The following FER1L5 variants were observed in gnomAD, a reference collection of about 807,000 sequenced individuals.
The protein encoded by FER1L5 is fer-1-like protein 5.
In FER1L5, 187 loss-of-function variants were observed where a neutral mutation model predicts 279.9. That is an observed-to-expected ratio of 0.67 (90% CI 0.59 to 0.75). The LOEUF is 0.75. Among genes scored for constraint, FER1L5 ranks in the 30% least tolerant of loss-of-function variants. The pLI, the probability that FER1L5 is intolerant of heterozygous loss-of-function variation, is 0.00. For missense variants in FER1L5, 2,091 were observed against 2,594.4 expected (o/e 0.81, Z 4.21); for synonymous variants, 921 against 989.7 (o/e 0.93, Z 1.30).
In FER1L5 at chr2:96,702,722, C is replaced by T. The variant is rs377428514; in HGVS notation, c.5378C>T (p.Thr1793Met). ...FTMDYLAAER[T>M]CVQSQKDYIW... ...ATGGACTACCTGGCGGCGGAGCGCA[C>T]GTGTGTCCAGAGCCAGAAGGTAACA... Residue 1793 changes from threonine (T) to methionine (M), a missense_variant, in exon 48 of 53, where the codon ACG becomes ATG. By Grantham distance (81) the Thr-to-Met change is moderately conservative (BLOSUM62 -1). Transcript: ENST00000624922. The surrounding 1 kb of genome is among the most constrained non-coding windows in gnomAD (Gnocchi z 4.0). 2.0e-5 allele frequency: 32 copies of T among 1,613,032 alleles called. No individual in the cohort carries two copies. Among genetic ancestry groups the T allele is most frequent in the African/African-American group, 5.3e-5 (4 of 75,014 alleles).
At position 96,684,332 on chromosome 2, in the gene FER1L5, A is replaced by G; in HGVS notation, c.1675A>G (p.Ile559Val). The part of the protein sequence containing the change: ...PYSPVIYDGN[I>V]YHYVPWYNTK... ...CATGTGTCTCTGTGTCTCAGGGAACATCTACCATTATGTGCCCTGGTACAA... is the reference window on the plus strand; with the variant it reads ...CATGTGTCTCTGTGTCTCAGGGAACGTCTACCATTATGTGCCCTGGTACAA... Residue 559 changes from isoleucine to valine, a missense_variant, in exon 20 of 53, where the codon ATC (isoleucine) becomes GTC (valine). Transcript: ENST00000624922. 4.5e-6 allele frequency: 7 copies of G among 1,551,532 alleles called. No individual in the cohort carries two copies. Among genetic ancestry groups the G allele is most frequent in the Non-Finnish European group, 6.1e-6 (7 of 1,146,880 alleles).
intron 17 of FER1L5, 55 bp from the exon 18 acceptor site, chr2:96,670,064 T>G: frequency 1.3e-6 from 2 of 1,548,194 alleles, no homozygotes; most frequent in Non-Finnish European, 1.7e-6. Context: ...CAAAGGAGAT[T>G]GGCCTGTTCT....
intron 19 of FER1L5, among the ~76,000 whole-genome samples, chr2:96,676,891 C>G (rs2076529392): frequency 6.6e-6 from 1 of 152,116 alleles, no homozygotes; most frequent in Non-Finnish European, 1.5e-5. Flanking sequence ...GAGTCTCACT[C>G]TGTCGCCCAG....
Position 96,697,713 on chromosome 2 carries a change from T to A in FER1L5, c.4188T>A (p.Asp1396Glu). The change falls in exon 39 of 53, where the codon GAT (aspartate) becomes GAA (glutamate). Residue 1396 changes from aspartate to glutamate, a missense_variant. By Grantham distance (45) the Asp-to-Glu change is conservative. Coordinates refer to ENST00000624922, the MANE Select transcript of FER1L5 (RefSeq NM_001293083.2). ...GGAGCAAGCTGTTCTGGGCCACAGA[T>A]GAGCACAAGTCCCTGAAGTACAAGT... ...DWWSKLFWAT[D>E]EHKSLKYKYK... The A allele has an allele frequency of 6.2e-7, 1 of 1,614,010 alleles. No homozygotes were observed. Among genetic ancestry groups the A allele is most frequent in the Non-Finnish European group, 8.5e-7 (1 of 1,179,892 alleles).
intron 32 of FER1L5, 81 bp from the exon 33 acceptor site, chr2:96,693,830 G>A (rs763891932): frequency 2.8e-5 from 42 of 1,478,928 alleles, no homozygotes; most frequent in Non-Finnish European, 3.7e-5. Flanking sequence ...CCTGCCAGCT[G>A]TTGCCCTTGC....
chr2:96,673,818 A>G (rs1181633476), intron 19 of FER1L5, among the ~76,000 whole-genome samples: 1 of 152,188 alleles, frequency 6.6e-6, no homozygotes. Flanking sequence ...TAGAGAATCC[A>G]ATAACCTGGG....
chr2:96,691,497 A>G lies in FER1L5; in HGVS notation c.2960A>G (p.Lys987Arg), dbSNP rs1379547692. Residue 987 changes from lysine (K) to arginine (R), a missense_variant, in exon 29 of 53, where the codon AAG (lysine) becomes AGG (arginine). Coordinates refer to ENST00000624922, the MANE Select transcript of FER1L5 (RefSeq NM_001293083.2). This position sits in a 1 kb window ranked among gnomAD's most constrained non-coding sequence, Gnocchi z 6.0. The part of the protein sequence containing the change: ...EGWEYDTFGS[K>R]FHLNPQPQSR... ...TGGGAGTATGACACCTTCGGCTCCA[A>G]GTTCCACCTCAACCCTCAGCCCCAG... 1.3e-6 allele frequency: 2 copies of G among 1,549,780 alleles called. No homozygotes were observed. Among genetic ancestry groups the G allele is most frequent in the Admixed American group, 3.9e-5 (2 of 50,650 alleles).
intron 18 of FER1L5, among the ~76,000 whole-genome samples, chr2:96,671,951 G>C (rs1033354497): frequency 2.2e-4 from 34 of 152,148 alleles, no homozygotes; most frequent in African/African-American, 8.0e-4. Flanking sequence ...CCAGTGCACA[G>C]AGACAAACCT....
At chr2:96,697,338 T>C (rs887588049) in intron 37 of FER1L5, among the ~76,000 whole-genome samples, 188 bp from the exon 38 acceptor site, 4 of 152,172 alleles carry the variant, frequency 2.6e-5, no homozygotes, top group Non-Finnish European at 5.9e-5. Flanking sequence ...AATGAGGACA[T>C]TGAACTATCT....
chr2:96,686,077 C>T lies in FER1L5; in HGVS notation c.2033C>T (p.Ala678Val), dbSNP rs868457088. The change falls in exon 22 of 53, where the codon GCG (alanine) becomes GTG (valine). Residue 678 changes from alanine to valine, a missense_variant. Transcript: ENST00000624922. Reference sequence around the variant, plus strand: ...AAGCCCAAGGACATGGTGGCCACAGCGGAGGACTGGCTGTACCGCCTCAAC... The same window carrying T: ...AAGCCCAAGGACATGGTGGCCACAGTGGAGGACTGGCTGTACCGCCTCAAC... The part of the protein sequence containing the change: ...QAKPKDMVAT[A>V]EDWLYRLNTV... 3.5e-5 allele frequency: 54 copies of T among 1,551,530 alleles called. No homozygotes were observed. The highest frequency in any genetic ancestry group is 3.1e-4 in the African/African-American group (23 of 73,200).
intron 23 of FER1L5, among the ~76,000 whole-genome samples, chr2:96,686,855 CAAAAAAAA>C (rs58724485): frequency 1.2e-3 from 48 of 41,168 alleles, no homozygotes; most frequent in African/African-American, 3.3e-3. Flanking sequence ...GACTCCGTCT[CAAAAAAAA>C]AAAAAAAAAA....
intron 11 of FER1L5, 96 bp downstream of exon 11, chr2:96,661,536 T>C: frequency 6.6e-7 from 1 of 1,508,312 alleles, no homozygotes. Context: ...ACATCTCTCC[T>C]TTGTCCGCTG....
chr2:96,661,436 CCCTGGTG>C lies in FER1L5; in HGVS notation c.891_894+3del. On this transcript the variant is annotated splice_donor_variant and splice_donor_region_variant and coding_sequence_variant and intron_variant, in exon 11 of 53. Coordinates refer to ENST00000624922, the MANE Select transcript of FER1L5 (RefSeq NM_001293083.2). LOFTEE classifies it high-confidence loss of function. The stretch of plus-strand genomic sequence containing the variant: ...TATGCCCTCGGTGTGGGAGACCAGG[CCCTGGTG>C]AGCTGCCCCTAACCCCGGAAACTTT... 1.3e-6 allele frequency: 2 copies of C among 1,551,244 alleles called. No homozygotes were observed. Among genetic ancestry groups the C allele is most frequent in the Non-Finnish European group, 1.7e-6 (2 of 1,146,734 alleles).
At chr2:96,659,215 G>C (rs2075723250) in intron 9 of FER1L5, among the ~76,000 whole-genome samples, 1 of 152,010 alleles carries the variant, frequency 6.6e-6, no homozygotes, top group African/African-American at 2.4e-5. Context: ...TTACAGGCGT[G>C]AGCCACTGTC....
intron 9 of FER1L5, among the ~76,000 whole-genome samples, chr2:96,657,067 A>ATG (rs2075627810): frequency 6.8e-6 from 1 of 147,470 alleles, no homozygotes; most frequent in Admixed American, 6.8e-5. Flanking sequence ...TTTTTAATTT[A>ATG]TATATATATA....
In FER1L5 at chr2:96,650,204, C is replaced by T. The variant is rs760894128; in HGVS notation, c.419C>T (p.Thr140Met). The change falls in exon 6 of 53, where the codon ACG becomes ATG. Residue 140 changes from threonine to methionine, a missense_variant. Coordinates refer to ENST00000624922, the MANE Select transcript of FER1L5 (RefSeq NM_001293083.2). ...GGAGCTGAAGACCACCTGGGCATAA[C>T]GGCAAGAGAGGCAGCCAGTCAGAAA... is the stretch of plus-strand genomic sequence containing the variant. ...KTGAEDHLGITAREAASQKLM... is the reference protein window; with the variant it reads ...KTGAEDHLGIMAREAASQKLM... 28 of 1,551,608 alleles carry T rather than the reference C, an allele frequency of 1.8e-5. No homozygotes were observed. Among genetic ancestry groups the T allele is most frequent in the South Asian group, 7.1e-5 (6 of 84,056 alleles).
At chr2:96,643,821 G>T (rs1438015732) in intron 1 of FER1L5, among the ~76,000 whole-genome samples, 1 of 151,494 alleles carries the variant, frequency 6.6e-6, no homozygotes, top group Non-Finnish European at 1.5e-5. Flanking sequence ...AATGAGAGAT[G>T]TTAGGTATAT....
chr2:96,662,405 T>C, intron 13 of FER1L5, 138 bp downstream of exon 13: 1 of 790,300 alleles, frequency 1.3e-6, no homozygotes, highest in Non-Finnish European at 2.1e-6. Context: ...CCCCTGCACC[T>C]GGAACTCTGT....
Position 96,702,853 on chromosome 2 carries a change from A to T in FER1L5, c.5397+112A>T. On this transcript the variant is annotated intron_variant, in intron 48 of 52. Coordinates refer to ENST00000624922, the MANE Select transcript of FER1L5 (RefSeq NM_001293083.2). The surrounding 1 kb of genome is among the most constrained non-coding windows in gnomAD (Gnocchi z 4.0). ...TGCAATCTGTCCCAGAACATCAGAA[A>T]CATGTCCTCAGGTGGAAACCCTCTT... is the stretch of plus-strand genomic sequence containing the variant. 2 of 1,535,294 alleles carry T rather than the reference A, an allele frequency of 1.3e-6. No homozygotes were observed. The highest frequency in any genetic ancestry group is 1.8e-6 in the Non-Finnish European group (2 of 1,135,898).
Sources: gnomAD v4.1 joint callset for allele counts (sites outside exome capture counted in the v4.1 genomes callset) on GRCh38, gnomAD v4.1.1 for gene constraint, Gnocchi (gnomAD v3.1) non-coding constraint, MANE v1.5 for transcripts, NCBI Gene and HGNC (gene_info 2026-07-23, HGNC 2026-07-21) for gene names.